DOC2A: variants seen among roughly 807,000 people sequenced by gnomAD.
The protein encoded by DOC2A is double C2-like domain-containing protein alpha.
In DOC2A, 28 loss-of-function variants were observed where a neutral mutation model predicts 40.6. The ratio of observed to expected loss-of-function variants is 0.69; its 90% CI spans 0.51 to 0.95. The LOEUF is 0.95. Ranked by LOEUF, DOC2A falls within the 40% of genes least tolerant of loss-of-function variation. The probability of loss-of-function intolerance (pLI) is 0.00; values close to 1 mark genes in which losing one functional copy is unlikely to be tolerated. For missense variants in DOC2A, 474 were observed against 552.5 expected (o/e 0.86, Z 1.42); for synonymous variants, 241 against 236.9 (o/e 1.02, Z -0.16).
rs1469624548 is a variant in DOC2A, at chr16:30,009,944, C to T, written c.262+17G>A. On this transcript the variant is annotated intron_variant, in intron 2 of 10. Coordinates refer to ENST00000350119, the MANE Select transcript of DOC2A (RefSeq NM_003586.3). The surrounding 1 kb of genome is among the most constrained non-coding windows in gnomAD (Gnocchi z 4.1). ...GACCCCCACCAGCACATGGGGCCTC[C>T]AAGCCCCCAGACTCACTGGCATCAT... The T allele has an allele frequency of 1.9e-6, 3 of 1,610,780 alleles. No individual in the cohort carries two copies. Among genetic ancestry groups the T allele is most frequent in the Non-Finnish European group, 2.5e-6 (3 of 1,179,654 alleles).
chr16:30,021,149 C>G (rs2070903994), intron 1 of DOC2A: 1 of 151,356 alleles, frequency 6.6e-6, no homozygotes, highest in Non-Finnish European at 1.5e-5. Context: ...GAACTCGAAG[C>G]GGTTCATGGC....
upstream of DOC2A, among the ~76,000 whole-genome samples, chr16:30,016,020 A>AAT (rs1161591964): frequency 0.016 from 989 of 61,150 alleles, 24 homozygotes; most frequent in Non-Finnish European, 0.018. Flanking sequence ...CCAGCACAAT[A>AAT]ATATATATAT....
At position 30,006,173 on chromosome 16, in the gene DOC2A, C is replaced by T. The variant is rs1317663802; in HGVS notation, c.*13G>A. Reference sequence around the variant, plus strand: ...CCGGCTCGATGGGCCTGTGCCGGGACACTGCTGTCCACTCAGGCTGAGGAC... The same window carrying T: ...CCGGCTCGATGGGCCTGTGCCGGGATACTGCTGTCCACTCAGGCTGAGGAC... On this transcript the variant is annotated 3_prime_UTR_variant, in exon 11 of 11. Transcript: ENST00000350119. The surrounding 1 kb of genome is among the most constrained non-coding windows in gnomAD (Gnocchi z 6.2). The T allele has an allele frequency of 6.4e-7, 1 of 1,570,706 alleles. No homozygotes were observed. Among genetic ancestry groups the T allele is most frequent in the Non-Finnish European group, 8.6e-7 (1 of 1,158,852 alleles).
In DOC2A at chr16:30,009,961, T is replaced by G. The variant is rs1266924716; in HGVS notation, c.262A>C (p.Thr88Pro). 1 of 1,610,276 alleles carries G rather than the reference T, an allele frequency of 6.2e-7. No individual in the cohort carries two copies. Among genetic ancestry groups the G allele is most frequent in the Non-Finnish European group, 8.5e-7 (1 of 1,179,352 alleles). Residue 88 changes from threonine (T) to proline (P), a missense_variant and splice_region_variant, in exon 2 of 11, where the codon ACC becomes CCC. Physicochemically the swap from Thr to Pro is conservative, Grantham distance 38. Transcript: ENST00000350119. The surrounding 1 kb of genome is among the most constrained non-coding windows in gnomAD (Gnocchi z 4.1). ...EVDSYDSDDA[T>P]ALGTLEFDLL... The stretch of plus-strand genomic sequence containing the variant: ...GGGGCCTCCAAGCCCCCAGACTCAC[T>G]GGCATCATCCGAGTCATAGCTGTCC...
At position 30,007,203 on chromosome 16, in the gene DOC2A, A is replaced by C; in HGVS notation, c.624T>G (p.His208Gln). The change falls in exon 6 of 11, where the codon CAT becomes CAG. Residue 208 changes from histidine (H) to glutamine (Q), a missense_variant. His to Gln is a conservative substitution (Grantham distance 24). Coordinates refer to ENST00000350119, the MANE Select transcript of DOC2A (RefSeq NM_003586.3). ...CCTGGCGCTCGAGGCAGATGTTAAA[A>C]TGCTTCTTCTGCGAAGGCTTGAGGC... is the stretch of plus-strand genomic sequence containing the variant. ...LRRLKPSQKK[H>Q]FNICLERQVP... 6.2e-7 allele frequency: 1 copy of C among 1,614,020 alleles called. No homozygotes were observed. Among genetic ancestry groups the C allele is most frequent in the Non-Finnish European group, 8.5e-7 (1 of 1,180,008 alleles).
intron 1 of DOC2A, among the ~76,000 whole-genome samples, chr16:30,019,254 G>T (rs909271406): frequency 6.6e-6 from 1 of 152,176 alleles, no homozygotes; most frequent in African/African-American, 2.4e-5. Context: ...GGAGGCAGAG[G>T]TTGCGGTGAG....
chr16:30,018,658 G>T (rs2070880659), intron 1 of DOC2A: 1 of 152,214 alleles, frequency 6.6e-6, no homozygotes, highest in African/African-American at 2.4e-5. Flanking sequence ...TTGCCTTGGA[G>T]ATGTATTTGG....
intron 1 of DOC2A, among the ~76,000 whole-genome samples, chr16:30,019,731 G>A (rs995290938): frequency 1.3e-5 from 2 of 151,998 alleles, no homozygotes; most frequent in African/African-American, 2.4e-5. Flanking sequence ...GCCCAGCGTC[G>A]GGAACCAGGT....
chr16:30,019,875 T>C (rs776290603), intron 1 of DOC2A, among the ~76,000 whole-genome samples: 52 of 151,746 alleles, frequency 3.4e-4, no homozygotes, highest in Non-Finnish European at 6.0e-4. Flanking sequence ...GCTGGGACTA[T>C]AGGCACGTAC....
chr16:30,010,110 CG>C lies in DOC2A; in HGVS notation c.112del (p.Arg38GlyfsTer53). On this transcript the variant is annotated frameshift_variant, in exon 2 of 11. Transcript: ENST00000350119. LOFTEE classifies it high-confidence loss of function. This position sits in a 1 kb window ranked among gnomAD's most constrained non-coding sequence, Gnocchi z 4.2. ...GCCGCCCCCTTCAGGTCCTGGTCCCCGGGGGAAGTAGTCAGAGATCTGGCGG... is the reference window on the plus strand; with the variant it reads ...GCCGCCCCCTTCAGGTCCTGGTCCCCGGGGAAGTAGTCAGAGATCTGGCGG... ...PIRQISDYFP[R>X]GPGPEGGGGG... 2.5e-6 allele frequency: 4 copies of C among 1,613,386 alleles called. No homozygotes were observed. Among genetic ancestry groups the C allele is most frequent in the Non-Finnish European group, 3.4e-6 (4 of 1,179,640 alleles).
At chr16:30,019,410 T>G (rs946006409) in intron 1 of DOC2A, among the ~76,000 whole-genome samples, 1 of 152,132 alleles carries the variant, frequency 6.6e-6, no homozygotes, top group African/African-American at 2.4e-5. Flanking sequence ...TCTAGAATGA[T>G]GCGCATCTAT....
At chr16:30,013,701 G>A (rs1015378757), upstream of DOC2A, 2 of 146,086 alleles carry the variant, frequency 1.4e-5, no homozygotes, top group Non-Finnish European at 3.0e-5. Context: ...AATAATAGAA[G>A]TTCAAATTCT....
upstream of DOC2A, chr16:30,012,651 C>G (rs1189364676): frequency 6.8e-6 from 1 of 146,646 alleles, no homozygotes; most frequent in Non-Finnish European, 1.5e-5. Flanking sequence ...GTGAAGCCAG[C>G]CTGGGCAACA....
At chr16:30,022,246 C>CA (rs60987861), upstream of DOC2A, among the ~76,000 whole-genome samples, 145 of 34,306 alleles carry the variant, frequency 4.2e-3, 17 homozygotes, top group East Asian at 9.8e-3. Context: ...AACTCCATCT[C>CA]AAAAAAAAAA....
chr16:30,015,465 G>A (rs569414793), upstream of DOC2A, among the ~76,000 whole-genome samples: 18 of 152,128 alleles, frequency 1.2e-4, no homozygotes, highest in African/African-American at 4.1e-4. Flanking sequence ...ACAGGCACCC[G>A]CCATCATGCT....
At chr16:30,019,243 G>C (rs762723166) in intron 1 of DOC2A, among the ~76,000 whole-genome samples, 3 of 152,156 alleles carry the variant, frequency 2.0e-5, no homozygotes, top group African/African-American at 7.2e-5. Flanking sequence ...GTTTGAACCC[G>C]GGAGGCAGAG....
At chr16:30,011,482 C>A, upstream of DOC2A, 1 of 926,328 alleles carries the variant, frequency 1.1e-6, no homozygotes, top group Non-Finnish European at 1.3e-6. Context: ...CGCCTCCCTC[C>A]CTCCCGGGTC....
chr16:30,007,970 G>A (rs1439290627), intron 5 of DOC2A: 1 of 157,954 alleles, frequency 6.3e-6, no homozygotes, highest in East Asian at 1.9e-4. Flanking sequence ...GCTAAGCCTG[G>A]GCTGGGCCCT....
Position 30,005,603 on chromosome 16 carries a change from G to C in DOC2A, c.*583C>G, listed in dbSNP as rs1256727133. The stretch of plus-strand genomic sequence containing the variant: ...CGTAAACATGCACGGGTGTCCCCCA[G>C]GAGGGTGGCAGGGGCCCTGCCTTCA... On this transcript the variant is annotated 3_prime_UTR_variant, in exon 11 of 11. Transcript: ENST00000350119. 1.4e-6 allele frequency: 1 copy of C among 722,706 alleles called. No homozygotes were observed. The highest frequency in any genetic ancestry group is 2.3e-6 in the Non-Finnish European group (1 of 436,972). The allele number at this position is 722,706 out of a possible 1,614,324, so 44.8% of individuals were successfully genotyped here. A position where few individuals can be genotyped will look rare whatever the true frequency, so the allele number is the denominator to read the frequency against.
Sources: allele counts gnomAD v4.1 joint callset (sites outside exome capture counted in the v4.1 genomes callset), GRCh38; gene constraint gnomAD v4.1.1; non-coding constraint Gnocchi (gnomAD v3.1); transcripts MANE v1.5; gene names NCBI Gene and HGNC (gene_info 2026-07-23, HGNC 2026-07-21).